Variants in PDZD2 observed in about 807,000 individuals in gnomAD.
PDZD2 encodes PDZ domain-containing protein 2.
In PDZD2, 90 loss-of-function variants were observed where a neutral mutation model predicts 220.7. The ratio of observed to expected loss-of-function variants is 0.41; its 90% CI spans 0.34 to 0.49. The LOEUF is 0.49. PDZD2 is among the 20% of genes least tolerant of loss of function. The probability of loss-of-function intolerance (pLI) is 0.28; values close to 1 mark genes in which losing one functional copy is unlikely to be tolerated. For missense variants in PDZD2, 3,174 were observed against 3,608.5 expected (o/e 0.88, Z 3.08); for synonymous variants, 1,375 against 1,450.5 (o/e 0.95, Z 1.18).
chr5:31,671,094 G>A (rs888158551), intron 1 of PDZD2, among the ~76,000 whole-genome samples: 9 of 152,136 alleles, frequency 5.9e-5, no homozygotes, highest in Non-Finnish European at 1.3e-4. Flanking sequence ...GGGTGGCTTG[G>A]GAGCTAGGAC....
At chr5:32,097,251 A>T in intron 21 of PDZD2, 28 bp from the exon 22 acceptor site, 1 of 1,440,914 alleles carries the variant, frequency 6.9e-7, no homozygotes, top group South Asian at 1.1e-5. Context: ...CTGTAGCTCA[A>T]AGGATAATTT....
intron 1 of PDZD2, among the ~76,000 whole-genome samples, chr5:31,717,328 T>A (rs1238850716): frequency 6.6e-6 from 1 of 152,160 alleles, no homozygotes. Flanking sequence ...TGTGCCTAAA[T>A]CGCTGTCTCT....
At chr5:31,989,415 T>TC (rs1461780686) in intron 3 of PDZD2, among the ~76,000 whole-genome samples, 3 of 145,404 alleles carry the variant, frequency 2.1e-5, no homozygotes, top group African/African-American at 8.1e-5. Flanking sequence ...TACCACATTT[T>TC]CTTTTCTTTT....
chr5:31,960,801 T>G (rs1748155503), intron 2 of PDZD2, among the ~76,000 whole-genome samples: 1 of 152,212 alleles, frequency 6.6e-6, no homozygotes, highest in South Asian at 2.1e-4. Context: ...TAATGTAAAT[T>G]TATATTATAT....
intron 2 of PDZD2, among the ~76,000 whole-genome samples, chr5:31,880,790 T>C (rs13157160): frequency 8.1e-6 from 1 of 122,700 alleles, no homozygotes; most frequent in Non-Finnish European, 1.6e-5. Flanking sequence ...CTTTTTTTTT[T>C]CTTTTTTTTT....
intron 1 of PDZD2, among the ~76,000 whole-genome samples, chr5:31,719,654 G>A (rs1318496251): frequency 6.6e-6 from 1 of 152,178 alleles, no homozygotes; most frequent in Non-Finnish European, 1.5e-5. Flanking sequence ...CTAATTAGAA[G>A]ATTTAGGGAA....
At chr5:31,861,284 T>G (rs1737686010) in intron 2 of PDZD2, among the ~76,000 whole-genome samples, 1 of 152,284 alleles carries the variant, frequency 6.6e-6, no homozygotes, top group Non-Finnish European at 1.5e-5. Context: ...ATTTTCTCCC[T>G]GTTTAAGCCA....
chr5:31,774,575 G>C (rs1267177639), intron 1 of PDZD2, among the ~76,000 whole-genome samples: 1 of 151,924 alleles, frequency 6.6e-6, no homozygotes, highest in Non-Finnish European at 1.5e-5. Flanking sequence ...AAGTAGCCGG[G>C]TGTGGTGGTG....
intron 1 of PDZD2, among the ~76,000 whole-genome samples, chr5:31,714,103 T>C (rs1748294812): frequency 6.6e-6 from 1 of 152,206 alleles, no homozygotes; most frequent in South Asian, 2.1e-4. Flanking sequence ...AGGAGAAGAT[T>C]TGAACCTATT....
At chr5:31,960,887 T>TA (rs1308878244) in intron 2 of PDZD2, among the ~76,000 whole-genome samples, 48 of 152,360 alleles carry the variant, frequency 3.2e-4, no homozygotes, top group African/African-American at 1.1e-3. Context: ...CAAATGTGTA[T>TA]AATTCTTTTA....
intron 1 of PDZD2, among the ~76,000 whole-genome samples, chr5:31,659,761 A>G (rs945851458): frequency 1.5e-4 from 23 of 152,220 alleles, no homozygotes; most frequent in African/African-American, 5.1e-4. Flanking sequence ...AAATTTTTCT[A>G]TCTGTTGTAC....
chr5:31,706,165 A>C lies in PDZD2; in HGVS notation c.-361+66728A>C, dbSNP rs79080862. ...TAACGGCTGAATGTAGTAGGTATTCAATAAATATTTGTTGAATGAATGAAT... is the reference window on the plus strand; with the variant it reads ...TAACGGCTGAATGTAGTAGGTATTCCATAAATATTTGTTGAATGAATGAAT... On this transcript the variant is annotated intron_variant, in intron 1 of 24. Coordinates refer to ENST00000438447, the MANE Select transcript of PDZD2 (RefSeq NM_178140.4). Among the ~76,000 whole-genome samples, 37 of 152,326 alleles carry C rather than the reference A, an allele frequency of 2.4e-4. No homozygotes were observed. The East Asian group carries it at 6.4e-3, about 26-fold the overall frequency.
At chr5:31,725,743 C>T in intron 1 of PDZD2, 2 of 922,024 alleles carry the variant, frequency 2.2e-6, no homozygotes, top group African/African-American at 1.6e-5. Context: ...GTGATTTAGC[C>T]TTCATTTCTT....
In PDZD2 at chr5:32,090,912, G is replaced by T; in HGVS notation, c.7464G>T (p.Leu2488Phe). 6.2e-7 allele frequency: 1 copy of T among 1,613,994 alleles called. No individual in the cohort carries two copies. The change falls in exon 20 of 25, where the codon TTG (leucine) becomes TTT (phenylalanine). Residue 2488 changes from leucine (L) to phenylalanine (F), a missense_variant. By Grantham distance (22) the Leu-to-Phe change is conservative. Coordinates refer to ENST00000438447, the MANE Select transcript of PDZD2 (RefSeq NM_178140.4). The surrounding 1 kb of genome is among the most constrained non-coding windows in gnomAD (Gnocchi z 4.3). Reference sequence around the variant, plus strand: ...CCAAGCTCCAGGAGCTGAGAGCCTTGAGCATGCCTGACCTTGACAAGCTCT... The same window carrying T: ...CCAAGCTCCAGGAGCTGAGAGCCTTTAGCATGCCTGACCTTGACAAGCTCT... ...SRSKLQELRA[L>F]SMPDLDKLCS... is the part of the protein sequence containing the mutation.
intron 2 of PDZD2, among the ~76,000 whole-genome samples, chr5:31,815,494 GCTAT>G (rs1295822028): frequency 6.6e-6 from 1 of 152,150 alleles, no homozygotes; most frequent in Admixed American, 6.6e-5. Flanking sequence ...GTCATGTGAT[GCTAT>G]ACTAGAGTCA....
At chr5:31,788,643 G>A (rs1044831007) in intron 1 of PDZD2, among the ~76,000 whole-genome samples, 1 of 151,904 alleles carries the variant, frequency 6.6e-6, no homozygotes, top group African/African-American at 2.4e-5. Flanking sequence ...TCCAGCCTGG[G>A]TGACAAAGTG....
At chr5:31,727,560 C>T (rs1368698323) in intron 1 of PDZD2, among the ~76,000 whole-genome samples, 1 of 151,666 alleles carries the variant, frequency 6.6e-6, no homozygotes, top group Non-Finnish European at 1.5e-5. Context: ...ATTAGCCGGA[C>T]ATGGTGGTGG....
intron 21 of PDZD2, among the ~76,000 whole-genome samples, chr5:32,095,771 C>T (rs760871385): frequency 5.4e-4 from 80 of 148,180 alleles, no homozygotes; most frequent in Non-Finnish European, 5.0e-4. Flanking sequence ...GATGGAGTCT[C>T]GCTCTGTTGC....
intron 7 of PDZD2, among the ~76,000 whole-genome samples, chr5:32,045,482 C>T (rs1166835294): frequency 3.3e-5 from 5 of 150,208 alleles, no homozygotes; most frequent in Non-Finnish European, 5.9e-5. Context: ...AGTGCGGTGG[C>T]GTGATCTCAA....
Sources: allele counts gnomAD v4.1 joint callset (sites outside exome capture counted in the v4.1 genomes callset), GRCh38; gene constraint gnomAD v4.1.1; non-coding constraint Gnocchi (gnomAD v3.1); transcripts MANE v1.5; gene names NCBI Gene and HGNC (gene_info 2026-07-23, HGNC 2026-07-21).